Variants in TUBGCP6 observed in about 807,000 individuals in gnomAD.
TUBGCP6 encodes gamma-tubulin complex component 6.
TUBGCP6 carries 161 observed loss-of-function variants against 175.8 expected under a neutral mutation model. The ratio of observed to expected loss-of-function variants is 0.92; its 90% CI spans 0.81 to 1.04. TUBGCP6 has a LOEUF of 1.04. Ranked by LOEUF, TUBGCP6 falls within the 50% of genes least tolerant of loss-of-function variation. The pLI is 0.00. For missense variants in TUBGCP6, 2,572 were observed against 2,433.0 expected (o/e 1.06, Z -1.20); for synonymous variants, 1,173 against 1,030.5 (o/e 1.14, Z -2.65).
chr22:50,218,883 T>C lies in TUBGCP6; in HGVS notation c.4641A>G (p.Gln1547=), dbSNP rs779058012. The C allele has an allele frequency of 2.3e-5, 37 of 1,611,786 alleles. No homozygotes were observed. Among genetic ancestry groups the C allele is most frequent in the Non-Finnish European group, 3.1e-5 (37 of 1,178,890 alleles). The change falls in exon 21 of 25, where the codon CAA becomes CAG. Residue 1547 remains glutamine, a synonymous_variant. Transcript: ENST00000248846. The stretch of plus-strand genomic sequence containing the variant: ...GCGGGTTGAGCAGCTCTCCGGGCGT[T>C]TGCCCAGCTCCAAGCTAGGCAGAAA... ...DLLFEKLGAG[Q]TPGELLNPLV... is the part of the protein sequence containing the mutation.
chr22:50,238,839 G>A (rs1189095685), intron 2 of TUBGCP6, among the ~76,000 whole-genome samples: 1 of 152,130 alleles, frequency 6.6e-6, no homozygotes, highest in African/African-American at 2.4e-5. Flanking sequence ...CAGAGAGCAG[G>A]ACCATGAGAT....
chr22:50,231,081 CAAAAAAAAAAA>C (rs35669469), intron 3 of TUBGCP6, among the ~76,000 whole-genome samples: 2 of 22,822 alleles, frequency 8.8e-5, no homozygotes, highest in South Asian at 2.5e-3. Context: ...GACTCTATCT[CAAAAAAAAAAA>C]AAAAAAAAAA....
intron 13 of TUBGCP6, chr22:50,223,552 G>T (rs1031227972): frequency 1.3e-5 from 2 of 153,228 alleles, no homozygotes; most frequent in Non-Finnish European, 2.9e-5. Context: ...GCCGAGGCAG[G>T]TGGATCACCT....
At chr22:50,241,381 C>CCA (rs1046008142) in intron 1 of TUBGCP6, among the ~76,000 whole-genome samples, 5 of 152,100 alleles carry the variant, frequency 3.3e-5, no homozygotes, top group Non-Finnish European at 7.4e-5. Flanking sequence ...GGAAAAGCAC[C>CCA]CACTACTTAG....
rs537198714 is a variant in TUBGCP6, at chr22:50,219,397, C to T, written c.4375G>A (p.Val1459Met). The part of the protein sequence containing the change: ...PVLPRAFAFP[V>M]DPQVQSAADE... ...GCGGCAGACTGGACCTGGGGGTCCA[C>T]GGGGAAGGCGAAGGCCCGGGGAAGC... is the stretch of plus-strand genomic sequence containing the variant. The change falls in exon 19 of 25, where the codon GTG becomes ATG. Residue 1459 changes from valine to methionine, a missense_variant. Coordinates refer to ENST00000248846, the MANE Select transcript of TUBGCP6 (RefSeq NM_020461.4). 2.5e-5 allele frequency: 40 copies of T among 1,573,404 alleles called. No homozygotes were observed. The South Asian group carries it at 3.8e-4, about 15-fold the overall frequency.
intron 1 of TUBGCP6, among the ~76,000 whole-genome samples, chr22:50,243,479 G>A (rs1491002672): frequency 4.0e-5 from 6 of 150,978 alleles, no homozygotes; most frequent in African/African-American, 1.5e-4. Context: ...TAAGCCGGGC[G>A]TGGTGGCAGG....
intron 20 of TUBGCP6, 27 bp downstream of exon 20, chr22:50,219,041 T>C (rs1372468266): frequency 6.2e-6 from 10 of 1,610,412 alleles, no homozygotes; most frequent in East Asian, 2.2e-5. Context: ...CCTCTACCAC[T>C]GGCCCCACCC....
In TUBGCP6 at chr22:50,233,497, A is replaced by G; in HGVS notation, c.935T>C (p.Leu312Pro). The change falls in exon 3 of 25, where the codon CTG becomes CCG. Residue 312 changes from leucine (L) to proline (P), a missense_variant. By Grantham distance (98) the Leu-to-Pro change is moderately conservative. Coordinates refer to ENST00000248846, the MANE Select transcript of TUBGCP6 (RefSeq NM_020461.4). ...CPPGHREEPY[L>P]TEAGRDAFDK... ...GAAAGCGTCCCTTCCCGCCTCCGTC[A>G]GGTAAGGCTCCTCTCTGTGGCCAGG... The G allele has an allele frequency of 3.7e-6, 6 of 1,609,444 alleles. No individual in the cohort carries two copies. Among genetic ancestry groups the G allele is most frequent in the Non-Finnish European group, 5.1e-6 (6 of 1,178,112 alleles).
intron 13 of TUBGCP6, 22 bp from the exon 14 acceptor site, chr22:50,222,614 G>A (rs1172327610): frequency 1.9e-6 from 3 of 1,606,184 alleles, no homozygotes; most frequent in Non-Finnish European, 2.5e-6. Flanking sequence ...CACCAGAGAG[G>A]ACACGGCCAC....
At chr22:50,237,713 C>T (rs2147209751) in intron 2 of TUBGCP6, among the ~76,000 whole-genome samples, 1 of 152,312 alleles carries the variant, frequency 6.6e-6, no homozygotes, top group Non-Finnish European at 1.5e-5. Context: ...CGCCGGGCCC[C>T]ACCGTGCGGG....
At chr22:50,226,486 G>A in intron 7 of TUBGCP6, 108 bp from the exon 8 acceptor site, 1 of 1,066,404 alleles carries the variant, frequency 9.4e-7, no homozygotes, top group Non-Finnish European at 1.4e-6. Flanking sequence ...AGGGGCAAGT[G>A]GGGGCGTAGC....
intron 4 of TUBGCP6, among the ~76,000 whole-genome samples, 178 bp from the exon 5 acceptor site, chr22:50,228,206 G>A (rs928104623): frequency 5.3e-5 from 8 of 152,172 alleles, no homozygotes; most frequent in Non-Finnish European, 8.8e-5. Context: ...TGGAAATGCG[G>A]CCCATCCACA....
rs1317968986 is a variant in TUBGCP6, at chr22:50,219,377, A to C, written c.4395T>G (p.Ser1465=). Residue 1465 remains serine, a synonymous_variant, in exon 19 of 25, where the codon TCT becomes TCG. Coordinates refer to ENST00000248846, the MANE Select transcript of TUBGCP6 (RefSeq NM_020461.4). The stretch of plus-strand genomic sequence containing the variant: ...GCTGCACAGCAGTCTCATCAGCGGC[A>C]GACTGGACCTGGGGGTCCACGGGGA... The part of the protein sequence containing the change: ...FAFPVDPQVQ[S]AADETAVQLS... 1 of 1,581,110 alleles carries C rather than the reference A, an allele frequency of 6.3e-7. No individual in the cohort carries two copies. The highest frequency in any genetic ancestry group is 8.6e-7 in the Non-Finnish European group (1 of 1,164,590).
intron 11 of TUBGCP6, 44 bp downstream of exon 11, chr22:50,224,467 A>C (rs1438601256): frequency 2.5e-6 from 4 of 1,613,698 alleles, no homozygotes; most frequent in Non-Finnish European, 3.4e-6. Flanking sequence ...AGGCCCCAGC[A>C]AGGCCCCCCG....
At position 50,217,938 on chromosome 22, in the gene TUBGCP6, T is replaced by C; in HGVS notation, c.5348A>G (p.Tyr1783Cys). ...MQQSYNTFKY[Y>C]SHFLFKVVTK... ...CTCACCTTTGAAGAGAAAGTGGGAGTAGTACTTGAAGGTGTTGTAGGACTG... is the reference window on the plus strand; with the variant it reads ...CTCACCTTTGAAGAGAAAGTGGGAGCAGTACTTGAAGGTGTTGTAGGACTG... Residue 1783 changes from tyrosine to cysteine, a missense_variant, in exon 24 of 25, where the codon TAC (tyrosine) becomes TGC (cysteine). Tyr to Cys is a radical substitution (Grantham distance 194, BLOSUM62 -2). Coordinates refer to ENST00000248846, the MANE Select transcript of TUBGCP6 (RefSeq NM_020461.4). 6.2e-7 allele frequency: 1 copy of C among 1,605,536 alleles called. No homozygotes were observed.
rs1198310112 is a variant in TUBGCP6, at chr22:50,227,612, T to C, written c.1412+295A>G. The stretch of plus-strand genomic sequence containing the variant: ...ATAGCCCCCGAGCCTGGTTGCTCAC[T>C]AACCAGCTTGTGTGTACCGGACGCC... On this transcript the variant is annotated intron_variant, in intron 5 of 24. Coordinates refer to ENST00000248846, the MANE Select transcript of TUBGCP6 (RefSeq NM_020461.4). 2.0e-5 allele frequency among the ~76,000 whole-genome samples: 3 copies of C among 152,206 alleles called. 1 individual carries two copies. Among genetic ancestry groups the C allele is most frequent in the Middle Eastern group, 6.3e-3 (2 of 316 alleles).
intron 18 of TUBGCP6, 53 bp from the exon 19 acceptor site, chr22:50,219,509 C>G: frequency 6.3e-7 from 1 of 1,592,532 alleles, no homozygotes; most frequent in Non-Finnish European, 8.6e-7. Flanking sequence ...CAGGGCTCCG[C>G]CCCCATCCAC....
rs1054528257 is a variant in TUBGCP6, at chr22:50,222,054, C to G, written c.2458G>C (p.Asp820His). ...TGGGGGTGCACGCTCAAGAGGACGT[C>G]TGGCGGCTCCTGGGGCTGGTGAGCC... ...SEAHQPQEPP[D>H]VLLSVHPQVT... Residue 820 changes from aspartate (D) to histidine (H), a missense_variant, in exon 15 of 25, where the codon GAC becomes CAC. Physicochemically the swap from Asp to His is moderately conservative, Grantham distance 81. Transcript: ENST00000248846. 1.9e-6 allele frequency: 3 copies of G among 1,613,898 alleles called. No individual in the cohort carries two copies. Among genetic ancestry groups the G allele is most frequent in the Admixed American group, 1.7e-5 (1 of 60,018 alleles).
Position 50,226,991 on chromosome 22 carries a change from C to T in TUBGCP6, c.1491+8G>A. 6.2e-7 allele frequency: 1 copy of T among 1,610,990 alleles called. No individual in the cohort carries two copies. Among genetic ancestry groups the T allele is most frequent in the Admixed American group, 1.7e-5 (1 of 59,644 alleles). Reference sequence around the variant, plus strand: ...GGCTGACACACTCGGCAGGGACGCACAACTCACGGTGGGAAACGCGGCCCT... The same window carrying T: ...GGCTGACACACTCGGCAGGGACGCATAACTCACGGTGGGAAACGCGGCCCT... On this transcript the variant is annotated splice_region_variant and intron_variant, in intron 6 of 24. Coordinates refer to ENST00000248846, the MANE Select transcript of TUBGCP6 (RefSeq NM_020461.4).
Sources: gnomAD v4.1 joint callset for allele counts (sites outside exome capture counted in the v4.1 genomes callset) on GRCh38, gnomAD v4.1.1 for gene constraint, MANE v1.5 for transcripts, NCBI Gene and HGNC (gene_info 2026-07-23, HGNC 2026-07-21) for gene names.